The following ACACA variants were observed in gnomAD, a reference collection of about 807,000 sequenced individuals.
ACACA encodes the protein acetyl-CoA carboxylase alpha, also known as acetyl-CoA carboxylase 1.
ACACA carries 103 observed loss-of-function variants against 296.1 expected under a neutral mutation model. That is an observed-to-expected ratio of 0.35 (90% CI 0.30 to 0.41). The LOEUF is 0.41. Ranked by LOEUF, ACACA falls within the 10% of genes least tolerant of loss-of-function variation. The probability of loss-of-function intolerance (pLI) is 1.00; values close to 1 mark genes in which losing one functional copy is unlikely to be tolerated. For synonymous variants in ACACA, 953 were observed against 1,038.6 expected (o/e 0.92, Z 1.58); for missense variants, 1,554 against 2,989.7 (o/e 0.52, Z 11.20).
At chr17:37,171,019 G>T (rs943588089) in intron 41 of ACACA, among the ~76,000 whole-genome samples, 1 of 152,192 alleles carries the variant, frequency 6.6e-6, no homozygotes, top group African/African-American at 2.4e-5. Flanking sequence ...TGCCACAGCT[G>T]CCTTTCTTAC....
chr17:37,122,013 G>A (rs1028628964), intron 49 of ACACA, among the ~76,000 whole-genome samples: 1 of 152,094 alleles, frequency 6.6e-6, no homozygotes, highest in African/African-American at 2.4e-5. Context: ...AGGCACAGTG[G>A]CTCATCCCAA....
At chr17:37,365,101 T>A (rs1377186904) in intron 1 of ACACA, among the ~76,000 whole-genome samples, 2 of 151,918 alleles carry the variant, frequency 1.3e-5, no homozygotes, top group Non-Finnish European at 2.9e-5. Flanking sequence ...GCCTCCCGAG[T>A]AGCTGGAATC....
At chr17:37,262,702 C>T (rs1394127400) in intron 11 of ACACA, among the ~76,000 whole-genome samples, 1 of 152,046 alleles carries the variant, frequency 6.6e-6, no homozygotes, top group East Asian at 1.9e-4. Flanking sequence ...TAGAAACTTA[C>T]ACCTTGTTTA....
intron 1 of ACACA, among the ~76,000 whole-genome samples, chr17:37,393,453 C>T (rs1214436265): frequency 6.6e-6 from 1 of 152,138 alleles, no homozygotes; most frequent in Non-Finnish European, 1.5e-5. Context: ...CCTTCCCAGC[C>T]TCACCCACCA....
chr17:37,248,314 T>C (rs558586393), intron 17 of ACACA, among the ~76,000 whole-genome samples, 158 bp from the exon 18 acceptor site: 4 of 152,358 alleles, frequency 2.6e-5, no homozygotes, highest in Non-Finnish European at 5.9e-5. Flanking sequence ...CATGGCTCAG[T>C]CCTGCTGTAA....
At chr17:37,309,420 G>A (rs2084029933) in intron 3 of ACACA, among the ~76,000 whole-genome samples, 1 of 152,078 alleles carries the variant, frequency 6.6e-6, no homozygotes, top group Non-Finnish European at 1.5e-5. Flanking sequence ...TCATGTTACA[G>A]TATAATGGAG....
intron 16 of ACACA, among the ~76,000 whole-genome samples, chr17:37,250,683 T>C (rs777008243): frequency 3.3e-5 from 5 of 151,604 alleles, no homozygotes; most frequent in Non-Finnish European, 5.9e-5. Context: ...AAAACTTCAG[T>C]GTAAGCATAT....
At chr17:37,344,259 C>T (rs1246980432) in intron 1 of ACACA, among the ~76,000 whole-genome samples, 1 of 151,438 alleles carries the variant, frequency 6.6e-6, no homozygotes, top group Non-Finnish European at 1.5e-5. Context: ...CGAAAACTGT[C>T]TGAAGACAGT....
intron 54 of ACACA, among the ~76,000 whole-genome samples, chr17:37,091,146 C>T (rs984266880): frequency 4.7e-4 from 72 of 152,214 alleles, no homozygotes; most frequent in African/African-American, 1.6e-3. Context: ...ATGCCTGCTT[C>T]CAACAATGCT....
chr17:37,161,973 A>G lies in ACACA; in HGVS notation c.5157T>C (p.Asn1719=). Residue 1719 remains asparagine, a synonymous_variant, in exon 42 of 56, where the codon AAT becomes AAC. Transcript: ENST00000616317. ...AGGACCCAATTCGGTATGTGATGTC[A>G]TTGCCAATAACAATGATATCTCGGC... is the stretch of plus-strand genomic sequence containing the variant. ...PEGRDIIVIG[N]DITYRIGSFG... 6.2e-7 allele frequency: 1 copy of G among 1,614,224 alleles called. No individual in the cohort carries two copies. The highest frequency in any genetic ancestry group is 8.5e-7 in the Non-Finnish European group (1 of 1,180,036).
chr17:37,204,802 C>T (rs2078422344), intron 33 of ACACA, among the ~76,000 whole-genome samples: 1 of 152,200 alleles, frequency 6.6e-6, no homozygotes, highest in Admixed American at 6.5e-5. Flanking sequence ...ATGTTAGTCT[C>T]TCAATAGGCT....
chr17:37,206,916 C>T (rs1349764984), intron 31 of ACACA, 37 bp from the exon 32 acceptor site: 2 of 1,540,594 alleles, frequency 1.3e-6, no homozygotes, highest in South Asian at 1.1e-5. Flanking sequence ...CATGAAAACT[C>T]AAGTGGCATG....
intron 1 of ACACA, 97 bp from the exon 2 acceptor site, chr17:37,339,947 A>G: frequency 1.5e-6 from 1 of 661,150 alleles, no homozygotes. Context: ...GTAATAATAT[A>G]TGAAGTATCT....
intron 52 of ACACA, among the ~76,000 whole-genome samples, chr17:37,100,667 A>G (rs962376572): frequency 2.6e-5 from 4 of 152,078 alleles, no homozygotes; most frequent in Non-Finnish European, 5.9e-5. Flanking sequence ...ACATTGAGAC[A>G]ATTGGTAAAA....
At chr17:37,330,052 G>T in intron 3 of ACACA, 121 bp downstream of exon 3, 1 of 1,265,600 alleles carries the variant, frequency 7.9e-7, no homozygotes, top group Non-Finnish European at 1.1e-6. Flanking sequence ...AAAGCTTTGA[G>T]TTCAGTGACA....
intron 3 of ACACA, among the ~76,000 whole-genome samples, chr17:37,298,636 A>G (rs117800474): frequency 0.036 from 5,467 of 152,292 alleles, 133 homozygotes; most frequent in Middle Eastern, 0.11. Context: ...ACTGTGAGCT[A>G]TGACCGCGCC....
rs746487072 is a variant in ACACA, at chr17:37,297,546, T to TATATAC, written c.339-12577_339-12576insGTATAT. 7.3e-3 allele frequency among the ~76,000 whole-genome samples: 1,101 copies of TATATAC among 150,218 alleles called. 7 individuals are homozygous for TATATAC. Among genetic ancestry groups the TATATAC allele is most frequent in the Middle Eastern group, 0.052 (15 of 290 alleles). On this transcript the variant is annotated intron_variant, in intron 3 of 55. Coordinates refer to ENST00000616317, the MANE Select transcript of ACACA (RefSeq NM_198834.3). ...ATATGTGTGTGTATATATATATATA[T>TATATAC]ACACTTTTTTTTTGAGATGGAGTTT...
chr17:37,140,987 T>C (rs1041706764), intron 45 of ACACA: 39 of 388,836 alleles, frequency 1.0e-4, no homozygotes, highest in South Asian at 7.5e-4. Context: ...CCTCTGTGCA[T>C]GGGGACAATG....
At chr17:37,302,543 G>A (rs184268327) in intron 3 of ACACA, among the ~76,000 whole-genome samples, 11 of 149,596 alleles carry the variant, frequency 7.4e-5, no homozygotes, top group East Asian at 3.9e-4. Context: ...TGATCCATCC[G>A]CCTCAGCCTC....
Sources: gnomAD v4.1 joint callset for allele counts (sites outside exome capture counted in the v4.1 genomes callset) on GRCh38, gnomAD v4.1.1 for gene constraint, MANE v1.5 for transcripts, NCBI Gene and HGNC (gene_info 2026-07-23, HGNC 2026-07-21) for gene names.